Variants in GALNT14 observed in about 807,000 individuals in gnomAD.
The protein encoded by GALNT14 is UDP-GalNAc:polypeptide N-acetylgalactosaminyltransferase 14.
A neutral mutation model predicts 77.5 loss-of-function variants in GALNT14; 60 were observed. The ratio of observed to expected loss-of-function variants is 0.77; its 90% CI spans 0.63 to 0.96. The LOEUF (loss-of-function observed/expected upper bound fraction) is 0.96, where lower values mean the gene tolerates loss of function less well. Ranked by LOEUF, GALNT14 falls within the 40% of genes least tolerant of loss-of-function variation. The probability of loss-of-function intolerance (pLI) is 0.00; values close to 1 mark genes in which losing one functional copy is unlikely to be tolerated. For missense variants in GALNT14, 710 were observed against 731.0 expected (o/e 0.97, Z 0.33); for synonymous variants, 280 against 281.7 (o/e 0.99, Z 0.06).
chr2:31,102,982 C>T (rs936155856), intron 1 of GALNT14, among the ~76,000 whole-genome samples: 1 of 152,084 alleles, frequency 6.6e-6, no homozygotes, highest in African/African-American at 2.4e-5. Context: ...TGTTCCTTCA[C>T]TCATCCTTTT....
rs563294323 is a variant in GALNT14 at position 31,079,796 on chromosome 2, C to T, written c.129+58162G>A. On this transcript the variant is annotated intron_variant, in intron 1 of 14. Transcript: ENST00000349752. ...TCATGTACGGTCCTACAACCCAACA[C>T]GGGTCCCCCATTCTGGGCAGAGTGT... 3.3e-5 allele frequency among the ~76,000 whole-genome samples: 5 copies of T among 152,312 alleles called. No homozygotes were observed. The South Asian group carries it at 6.2e-4, about 19-fold the overall frequency.
At chr2:30,958,547 T>C (rs543866353) in intron 3 of GALNT14, 83 bp from the exon 4 acceptor site, 18 of 1,051,124 alleles carry the variant, frequency 1.7e-5, no homozygotes, top group Non-Finnish European at 2.3e-5. Context: ...ATAGATACCA[T>C]TGCATTTAAG....
chr2:31,014,861 CAGAGAAAGGA>C (rs1444935776), intron 1 of GALNT14, among the ~76,000 whole-genome samples: 3 of 152,082 alleles, frequency 2.0e-5, no homozygotes, highest in Admixed American at 2.0e-4. Flanking sequence ...ACAAGAACCC[CAGAGAAAGGA>C]AGAGGAAGGA....
At chr2:30,944,438 C>T (rs1025006887) in intron 8 of GALNT14, among the ~76,000 whole-genome samples, 3 of 152,226 alleles carry the variant, frequency 2.0e-5, no homozygotes, top group Non-Finnish European at 4.4e-5. Context: ...CAGTGACCTT[C>T]ATATTGGCCT....
At chr2:31,070,789 T>G (rs1259403184) in intron 1 of GALNT14, among the ~76,000 whole-genome samples, 2 of 152,078 alleles carry the variant, frequency 1.3e-5, no homozygotes, top group East Asian at 3.9e-4. Flanking sequence ...ACTGGAAAAT[T>G]TGGAAGTTTG....
chr2:30,998,898 T>G (rs181926410), intron 1 of GALNT14, among the ~76,000 whole-genome samples: 47 of 152,360 alleles, frequency 3.1e-4, no homozygotes, highest in African/African-American at 1.1e-3. Context: ...CTCAGCCAAC[T>G]TCTTTCTTTG....
At chr2:31,079,072 A>G in intron 1 of GALNT14, 1 of 1,248,178 alleles carries the variant, frequency 8.0e-7, no homozygotes, top group Non-Finnish European at 1.0e-6. Flanking sequence ...CAATTCTAGA[A>G]AACATAAATA....
chr2:31,103,726 T>G (rs562094287), intron 1 of GALNT14, among the ~76,000 whole-genome samples: 1 of 152,336 alleles, frequency 6.6e-6, no homozygotes, highest in African/African-American at 2.4e-5. Flanking sequence ...CCTTTGCCTT[T>G]CAATATTTGT....
At chr2:31,087,476 A>AGAGGAGAGGAG (rs1676487888) in intron 1 of GALNT14, among the ~76,000 whole-genome samples, 1 of 152,010 alleles carries the variant, frequency 6.6e-6, no homozygotes, top group African/African-American at 2.4e-5. Flanking sequence ...AGGAGACAGG[A>AGAGGAGAGGAG]AAGGAGAGGA....
chr2:30,929,568 T>A (rs190706721), intron 10 of GALNT14, 81 bp from the exon 11 acceptor site: 17 of 1,045,242 alleles, frequency 1.6e-5, no homozygotes, highest in Non-Finnish European at 2.3e-5. Context: ...AATACACATG[T>A]GTGGGCTGAG....
At chr2:31,087,489 A>AGAGAGGAGAGGAGAGGAGAAGAGAG (rs1558560482) in intron 1 of GALNT14, among the ~76,000 whole-genome samples, 2 of 151,568 alleles carry the variant, frequency 1.3e-5, no homozygotes, top group African/African-American at 2.4e-5. Flanking sequence ...GGAGAGGAGA[A>AGAGAGGAGAGGAGAGGAGAAGAGAG]GAGAGGAGAG....
rs550234452 is a variant in GALNT14, at chr2:30,987,364, C to T, written c.299+5474G>A. ...ACCTTTTGAGCCATACTGGATGTAG[C>T]ATCACTCAGTGCCCACTGCCAAGGA... On this transcript the variant is annotated intron_variant, in intron 2 of 14. Coordinates refer to ENST00000349752, the MANE Select transcript of GALNT14 (RefSeq NM_024572.4). 4.6e-5 allele frequency among the ~76,000 whole-genome samples: 7 copies of T among 152,310 alleles called. No homozygotes were observed. In the South Asian group the frequency reaches 6.2e-4, roughly 14 times the overall value.
the GALNT14 span, among the ~76,000 whole-genome samples, chr2:30,888,034 G>A: frequency 2.6e-5 from 4 of 152,110 alleles, no homozygotes; most frequent in Non-Finnish European, 5.9e-5. Context: ...GTTGGTCTGG[G>A]ACATCCTTTT....
At chr2:30,984,097 G>T (rs1035971237) in intron 2 of GALNT14, among the ~76,000 whole-genome samples, 6 of 152,132 alleles carry the variant, frequency 3.9e-5, no homozygotes, top group Non-Finnish European at 8.8e-5. Flanking sequence ...GTGAGTCTGG[G>T]GATGAAGGAC....
intron 1 of GALNT14, among the ~76,000 whole-genome samples, chr2:31,107,367 G>A (rs1250007477): frequency 6.6e-6 from 1 of 151,992 alleles, no homozygotes; most frequent in Non-Finnish European, 1.5e-5. Context: ...AGCCCACCAG[G>A]TACTCTCCTA....
At chr2:31,114,577 C>T (rs927478966) in intron 1 of GALNT14, among the ~76,000 whole-genome samples, 11 of 152,088 alleles carry the variant, frequency 7.2e-5, no homozygotes, top group South Asian at 2.1e-4. Context: ...AATACACACA[C>T]GCACACACAA....
the GALNT14 span, among the ~76,000 whole-genome samples, chr2:30,894,452 T>C: frequency 6.6e-6 from 1 of 152,282 alleles, no homozygotes; most frequent in African/African-American, 2.4e-5. Context: ...TAGACCTTTT[T>C]TTCATTCTGC....
intron 2 of GALNT14, among the ~76,000 whole-genome samples, chr2:30,988,572 TG>T (rs1669464778): frequency 6.9e-6 from 1 of 144,896 alleles, no homozygotes; most frequent in Non-Finnish European, 1.5e-5. Context: ...AGGGCTGTAG[TG>T]TGTGGGGGAG....
chr2:30,918,635 G>A (rs1179531382), intron 13 of GALNT14, among the ~76,000 whole-genome samples: 1 of 149,400 alleles, frequency 6.7e-6, no homozygotes, highest in African/African-American at 2.4e-5. Context: ...GGGCAGGGAG[G>A]GTGGCATTGG....
Sources: allele counts gnomAD v4.1 joint callset (sites outside exome capture counted in the v4.1 genomes callset), GRCh38; gene constraint gnomAD v4.1.1; transcripts MANE v1.5; gene names NCBI Gene and HGNC (gene_info 2026-07-23, HGNC 2026-07-21).